ERN1: variants seen among roughly 807,000 people sequenced by gnomAD.
ERN1 encodes serine/threonine-protein kinase/endoribonuclease IRE1.
ERN1 carries 39 observed loss-of-function variants against 113.1 expected under a neutral mutation model. The ratio of observed to expected loss-of-function variants is 0.34; its 90% CI spans 0.27 to 0.45. The LOEUF (loss-of-function observed/expected upper bound fraction) is 0.45, where lower values mean the gene tolerates loss of function less well. Among genes scored for constraint, ERN1 ranks in the 20% least tolerant of loss-of-function variants. ERN1 has a pLI of 1.00. For missense variants in ERN1, 976 were observed against 1,274.8 expected (o/e 0.77, Z 3.57); for synonymous variants, 507 against 515.9 (o/e 0.98, Z 0.23).
chr17:64,080,895 A>G, intron 2 of ERN1, 87 bp from the exon 3 acceptor site: 3 of 1,345,932 alleles, frequency 2.2e-6, no homozygotes, highest in Non-Finnish European at 3.1e-6. Flanking sequence ...GCCAAGTTGT[A>G]CCGGTAATAA....
At chr17:64,121,999 A>G (rs1432682379) in intron 1 of ERN1, among the ~76,000 whole-genome samples, 5 of 152,250 alleles carry the variant, frequency 3.3e-5, no homozygotes, top group Non-Finnish European at 7.3e-5. Context: ...CTTACAAGAA[A>G]GCCTACTGGC....
chr17:64,075,125 C>G (rs1913546936), intron 5 of ERN1, 50 bp downstream of exon 5: 1 of 1,437,272 alleles, frequency 7.0e-7, no homozygotes, highest in African/African-American at 1.4e-5. Context: ...TTCCCAGATT[C>G]CGGGACTTAC....
intron 6 of ERN1, 73 bp downstream of exon 6, chr17:64,071,908 G>A: frequency 6.6e-7 from 1 of 1,523,158 alleles, no homozygotes; most frequent in Non-Finnish European, 8.9e-7. Context: ...ACCTTCTAGG[G>A]AAGGAGGCTG....
rs1328965438 is a variant in ERN1 at position 64,063,912 on chromosome 17, T to C, written c.1087+74A>G. The C allele has an allele frequency of 1.4e-6, 2 of 1,460,972 alleles. No homozygotes were observed. Among genetic ancestry groups the C allele is most frequent in the Non-Finnish European group, 1.9e-6 (2 of 1,059,586 alleles). The allele number at this position is 1,460,972 out of a possible 1,614,324, so 90.5% of individuals were successfully genotyped here. On this transcript the variant is annotated intron_variant, in intron 10 of 21. Transcript: ENST00000433197. The surrounding 1 kb of genome is among the most constrained non-coding windows in gnomAD (Gnocchi z 5.1). ...CCTTCCGAGCTCAGTACGGTGTAAC[T>C]ACCAGGGCCGGCGGTCGCCCACCAG...
At chr17:64,075,350 G>C in intron 4 of ERN1, 103 bp from the exon 5 acceptor site, 1 of 1,002,850 alleles carries the variant, frequency 1.0e-6, no homozygotes, top group Non-Finnish European at 1.4e-6. Flanking sequence ...CTGCTAAAAA[G>C]AGAGAAGCAC....
intron 17 of ERN1, among the ~76,000 whole-genome samples, chr17:64,051,939 G>A (rs1912697493): frequency 6.6e-6 from 1 of 152,208 alleles, no homozygotes; most frequent in South Asian, 2.1e-4. Flanking sequence ...CACGTGCTGA[G>A]GTCTTCAGGG....
At chr17:64,066,562 T>C in intron 8 of ERN1, 109 bp downstream of exon 8, 2 of 1,352,098 alleles carry the variant, frequency 1.5e-6, no homozygotes, top group East Asian at 2.4e-5. Context: ...TCCTCATGGC[T>C]TCAGAGACTG....
chr17:64,058,858 A>C (rs1912963776), intron 11 of ERN1, among the ~76,000 whole-genome samples: 1 of 151,828 alleles, frequency 6.6e-6, no homozygotes, highest in Non-Finnish European at 1.5e-5. Flanking sequence ...TACCCCTCTT[A>C]TTCATGCCTC....
chr17:64,052,410 C>T (rs980270499), intron 17 of ERN1, among the ~76,000 whole-genome samples: 1 of 151,908 alleles, frequency 6.6e-6, no homozygotes, highest in African/African-American at 2.4e-5. Flanking sequence ...GAGGCTGAAG[C>T]AGGAGAATCG....
At chr17:64,108,242 TC>T (rs1392699522) in intron 1 of ERN1, among the ~76,000 whole-genome samples, 2 of 152,120 alleles carry the variant, frequency 1.3e-5, no homozygotes, top group Non-Finnish European at 2.9e-5. Flanking sequence ...TCCACTGTAT[TC>T]CTGAATGCAA....
At chr17:64,060,622 T>C (rs1913024699) in intron 10 of ERN1, 35 bp from the exon 11 acceptor site, 4 of 1,505,176 alleles carry the variant, frequency 2.7e-6, no homozygotes, top group Non-Finnish European at 3.7e-6. Flanking sequence ...GTGAGAACAA[T>C]TTCCCGAGCT....
rs139966279 is a variant in ERN1, at chr17:64,068,324, C to T, written c.479-33G>A. On this transcript the variant is annotated intron_variant, in intron 6 of 21. Coordinates refer to ENST00000433197, the MANE Select transcript of ERN1 (RefSeq NM_001433.5). ...ACACAGACCAGCCAGCCCATTACCA[C>T]GGAGGGGCCATAGTACCTACTGAGG... The T allele has an allele frequency of 4.1e-4, 605 of 1,459,514 alleles. No homozygotes were observed. The African/African-American group carries it at 6.2e-3, about 15-fold the overall frequency. 90.4% of individuals were successfully genotyped at this position (1,459,514 alleles called of 1,614,324 possible). A position where few individuals can be genotyped will look rare whatever the true frequency, so the allele number is the denominator to read the frequency against.
At chr17:64,114,808 T>C (rs1845850754) in intron 1 of ERN1, among the ~76,000 whole-genome samples, 1 of 152,202 alleles carries the variant, frequency 6.6e-6, no homozygotes, top group Non-Finnish European at 1.5e-5. Flanking sequence ...TTTTAATTTA[T>C]ACTAACATTC....
At position 64,042,451 on chromosome 17, in the gene ERN1, G is replaced by A. The variant is rs1019721021; in HGVS notation, c.*1537C>T. ...AACAGAAAACATCTTACAACATGAA[G>A]AAACAGTGATTTCTCTGTGAGTAAA... On this transcript the variant is annotated 3_prime_UTR_variant, in exon 22 of 22. Transcript: ENST00000433197. 2 of 152,178 alleles carry A rather than the reference G, an allele frequency of 1.3e-5. No individual in the cohort carries two copies. Among genetic ancestry groups the A allele is most frequent in the African/African-American group, 4.8e-5 (2 of 41,440 alleles). The allele number at this position is 152,178 out of a possible 1,614,324, so 9.4% of individuals were successfully genotyped here. A position where few individuals can be genotyped will look rare whatever the true frequency, so the allele number is the denominator to read the frequency against.
At chr17:64,125,111 G>A (rs7219767) in intron 1 of ERN1, among the ~76,000 whole-genome samples, 13,650 of 152,134 alleles carry the variant, frequency 0.09, 1,095 homozygotes, top group African/African-American at 0.22. Context: ...ACTTTAAATG[G>A]GTGAATTGTG....
At chr17:64,083,027 T>G (rs1373309287) in intron 2 of ERN1, among the ~76,000 whole-genome samples, 1 of 152,198 alleles carries the variant, frequency 6.6e-6, no homozygotes, top group Non-Finnish European at 1.5e-5. Flanking sequence ...CACTGCTGCT[T>G]GGCTTCTGAA....
intron 1 of ERN1, chr17:64,129,548 C>A (rs1177532137): frequency 2.0e-5 from 7 of 344,704 alleles, no homozygotes; most frequent in Admixed American, 4.8e-5. Context: ...ATCCCAACGC[C>A]CTTTCGGCTC....
At chr17:64,052,420 G>A (rs372976774) in intron 17 of ERN1, among the ~76,000 whole-genome samples, 2 of 151,828 alleles carry the variant, frequency 1.3e-5, no homozygotes, top group Admixed American at 1.3e-4. Context: ...CAGGAGAATC[G>A]CTTGAACCTG....
chr17:64,081,944 G>T (rs1913781091), intron 2 of ERN1, among the ~76,000 whole-genome samples: 1 of 152,104 alleles, frequency 6.6e-6, no homozygotes, highest in Non-Finnish European at 1.5e-5. Flanking sequence ...CAGCGATGAG[G>T]TATTTCCAGC....
Sources: allele counts gnomAD v4.1 joint callset (sites outside exome capture counted in the v4.1 genomes callset), GRCh38; gene constraint gnomAD v4.1.1; non-coding constraint Gnocchi (gnomAD v3.1); transcripts MANE v1.5; gene names NCBI Gene and HGNC (gene_info 2026-07-23, HGNC 2026-07-21).